The following TRAPPC9 variants were observed in gnomAD, a reference collection of about 807,000 sequenced individuals.
TRAPPC9 encodes the protein trafficking protein particle complex subunit 9.
A neutral mutation model predicts 124.0 loss-of-function variants in TRAPPC9; 83 were observed. The observed-to-expected ratio is 0.67, with a 90% CI of 0.56 to 0.80. The LOEUF (loss-of-function observed/expected upper bound fraction) is 0.80, where lower values mean the gene tolerates loss of function less well. Ranked by LOEUF, TRAPPC9 falls within the 30% of genes least tolerant of loss-of-function variation. The pLI is 0.00. For synonymous variants in TRAPPC9, 638 were observed against 617.5 expected (o/e 1.03, Z -0.49); for missense variants, 1,302 against 1,508.3 (o/e 0.86, Z 2.27).
intron 21 of TRAPPC9, among the ~76,000 whole-genome samples, chr8:139,784,467 A>AG (rs1264911515): frequency 6.6e-6 from 1 of 151,734 alleles, no homozygotes; most frequent in South Asian, 2.1e-4. Flanking sequence ...CCGGCCACTC[A>AG]GGGGGCTGAG....
intron 21 of TRAPPC9, among the ~76,000 whole-genome samples, chr8:139,794,110 T>C (rs762032455): frequency 2.0e-5 from 3 of 151,838 alleles, no homozygotes; most frequent in Non-Finnish European, 2.9e-5. Flanking sequence ...CTGTTCTTCA[T>C]GGCTCTGAGC....
intron 10 of TRAPPC9, among the ~76,000 whole-genome samples, chr8:140,309,773 G>A (rs1439566518): frequency 2.0e-5 from 3 of 152,262 alleles, no homozygotes; most frequent in Non-Finnish European, 4.4e-5. Context: ...CAGCCTGCCT[G>A]AGTGCTGAGC....
At position 139,836,810 on chromosome 8, in the gene TRAPPC9, T is replaced by C. The variant is rs1586953095; in HGVS notation, c.3055+49069A>G. Among the ~76,000 whole-genome samples the C allele has an allele frequency of 2.0e-5, 3 of 152,168 alleles. No individual in the cohort carries two copies. The East Asian group carries it at 5.8e-4, about 29-fold the overall frequency. On this transcript the variant is annotated intron_variant, in intron 21 of 22. Coordinates refer to ENST00000438773, the MANE Select transcript of TRAPPC9 (RefSeq NM_001160372.4). ...ATACTTCATTCTGTAAGCTAAAAAA[T>C]AGGATCTTTATAAACCCTCGATGTT...
At chr8:139,799,275 G>A (rs1252008749) in intron 21 of TRAPPC9, among the ~76,000 whole-genome samples, 9 of 151,828 alleles carry the variant, frequency 5.9e-5, no homozygotes, top group African/African-American at 2.2e-4. Flanking sequence ...CATGTAATCC[G>A]GGATAATCCA....
chr8:140,450,041 A>C (rs988379033), intron 2 of TRAPPC9, among the ~76,000 whole-genome samples: 1 of 152,260 alleles, frequency 6.6e-6, no homozygotes, highest in Non-Finnish European at 1.5e-5. Context: ...CTATCATTTC[A>C]ACATGTAATC....
chr8:140,271,216 T>C (rs7008203), intron 15 of TRAPPC9, among the ~76,000 whole-genome samples: 64,882 of 152,018 alleles, frequency 0.43, 15,343 homozygotes, highest in African/African-American at 0.62. Context: ...AGAGAAGCAC[T>C]TTCTACCTCA....
chr8:140,326,222 TAAAAA>T (rs748923859), intron 9 of TRAPPC9, among the ~76,000 whole-genome samples: 1 of 109,436 alleles, frequency 9.1e-6, no homozygotes. Context: ...CCGTCTCTAC[TAAAAA>T]AAAAAAAAAA....
chr8:139,753,260 A>G (rs1586765979), intron 21 of TRAPPC9, among the ~76,000 whole-genome samples: 2 of 147,774 alleles, frequency 1.4e-5, no homozygotes, highest in Non-Finnish European at 3.0e-5. Flanking sequence ...CCCATCTACC[A>G]TCCATCCATC....
intron 17 of TRAPPC9, among the ~76,000 whole-genome samples, chr8:140,029,883 T>TA (rs1487643468): frequency 1.3e-5 from 2 of 152,098 alleles, no homozygotes; most frequent in Middle Eastern, 3.4e-3. Flanking sequence ...AATTTAAATG[T>TA]AAAAAATATT....
chr8:140,332,833 T>A (rs2066929436), intron 9 of TRAPPC9, among the ~76,000 whole-genome samples: 1 of 152,110 alleles, frequency 6.6e-6, no homozygotes, highest in South Asian at 2.1e-4. Flanking sequence ...ACAAAATAAA[T>A]TCGATGTAAG....
intron 7 of TRAPPC9, among the ~76,000 whole-genome samples, chr8:140,386,555 T>C (rs576394348): frequency 6.6e-6 from 1 of 152,038 alleles, no homozygotes; most frequent in Admixed American, 6.5e-5. Context: ...ATGAGTGAAC[T>C]CCCATTCACA....
chr8:139,954,989 A>G (rs1490424803), intron 19 of TRAPPC9, among the ~76,000 whole-genome samples: 2 of 152,272 alleles, frequency 1.3e-5, no homozygotes, highest in East Asian at 3.8e-4. Flanking sequence ...TTTGGCATGT[A>G]TATAATTTGG....
At chr8:140,340,701 C>G (rs2067168949) in intron 9 of TRAPPC9, among the ~76,000 whole-genome samples, 1 of 152,234 alleles carries the variant, frequency 6.6e-6, no homozygotes, top group Non-Finnish European at 1.5e-5. Flanking sequence ...CTTTAAAGAT[C>G]ACAGCCCCTA....
intron 19 of TRAPPC9, among the ~76,000 whole-genome samples, chr8:139,959,087 A>C (rs1242096738): frequency 6.6e-6 from 1 of 152,080 alleles, no homozygotes; most frequent in East Asian, 1.9e-4. Context: ...ATTCCGAGTC[A>C]CACGGGGGAG....
chr8:140,052,200 G>A (rs114079310), intron 17 of TRAPPC9, among the ~76,000 whole-genome samples: 2,001 of 146,622 alleles, frequency 0.014, 42 homozygotes, highest in African/African-American at 0.052. Flanking sequence ...CTCATCACAC[G>A]GTATTCTCCA....
At position 140,112,609 on chromosome 8, in the gene TRAPPC9, C is replaced by T. The variant is rs1587732109; in HGVS notation, c.2557-88530G>A. On this transcript the variant is annotated intron_variant, in intron 17 of 22. Coordinates refer to ENST00000438773, the MANE Select transcript of TRAPPC9 (RefSeq NM_001160372.4). ...TCCTCTCAAGAGATCTATGAACTGTCCCCATCTTTACAGAAGAAACTGCAG... is the reference window on the plus strand; with the variant it reads ...TCCTCTCAAGAGATCTATGAACTGTTCCCATCTTTACAGAAGAAACTGCAG... Among the ~76,000 whole-genome samples, 6 of 152,286 alleles carry T rather than the reference C, an allele frequency of 3.9e-5. 2 individuals are homozygous for T. The highest frequency in any genetic ancestry group is 3.9e-4 in the Admixed American group (6 of 15,304).
At position 140,216,472 on chromosome 8, in the gene TRAPPC9, C is replaced by A. The variant is rs1345640759; in HGVS notation, c.2556+4987G>T. Among the ~76,000 whole-genome samples, 1 of 152,196 alleles carries A rather than the reference C, an allele frequency of 6.6e-6. No individual in the cohort carries two copies. The highest frequency in any genetic ancestry group is 1.5e-5 in the Non-Finnish European group (1 of 68,022). ...AACTGTAAGAGCCTATCCTGTGAGA[C>A]ACAGAAAAAATCCTCTTCTTGTCTA... On this transcript the variant is annotated intron_variant, in intron 17 of 22. Transcript: ENST00000438773. The surrounding 1 kb of genome is among the most constrained non-coding windows in gnomAD (Gnocchi z 4.1).
At chr8:140,101,645 C>A (rs146046941) in intron 17 of TRAPPC9, among the ~76,000 whole-genome samples, 1 of 143,550 alleles carries the variant, frequency 7.0e-6, no homozygotes, top group Admixed American at 7.4e-5. Context: ...TGGGTTCAAG[C>A]GATTCTCCTG....
intron 21 of TRAPPC9, among the ~76,000 whole-genome samples, chr8:139,818,880 C>T (rs1457671390): frequency 6.6e-6 from 1 of 152,214 alleles, no homozygotes; most frequent in African/African-American, 2.4e-5. Context: ...TTGTCCTCTT[C>T]AGACACAATT....
Sources: allele counts gnomAD v4.1 joint callset (sites outside exome capture counted in the v4.1 genomes callset), GRCh38; gene constraint gnomAD v4.1.1; non-coding constraint Gnocchi (gnomAD v3.1); transcripts MANE v1.5; gene names NCBI Gene and HGNC (gene_info 2026-07-23, HGNC 2026-07-21).